The following TTC6 variants were observed in gnomAD, a reference collection of about 807,000 sequenced individuals.
TTC6 encodes the protein tetratricopeptide repeat domain 6.
Under a neutral mutation model 210.4 loss-of-function variants are expected in TTC6, and 172 were observed. The ratio of observed to expected loss-of-function variants is 0.82; its 90% confidence interval spans 0.72 to 0.93. The LOEUF is 0.93. Among genes scored for constraint, TTC6 ranks in the 40% least tolerant of loss-of-function variants. TTC6 has a pLI of 0.00. For synonymous variants in TTC6, 804 were observed against 819.6 expected (o/e 0.98, Z 0.32); for missense variants, 2,414 against 2,318.1 (o/e 1.04, Z -0.85).
At chr14:37,709,143 C>T (rs984263610) in intron 5 of TTC6, among the ~76,000 whole-genome samples, 1 of 152,040 alleles carries the variant, frequency 6.6e-6, no homozygotes, top group Non-Finnish European at 1.5e-5. Context: ...TGGCCCCACC[C>T]CTACCCCTTA....
intron 29 of TTC6, among the ~76,000 whole-genome samples, chr14:37,831,336 C>G (rs572329071): frequency 1.3e-5 from 2 of 152,238 alleles, no homozygotes; most frequent in African/African-American, 4.8e-5. Context: ...CTGATGGACA[C>G]TTAGGGTGAT....
rs764606846 is a variant in TTC6, at chr14:37,701,228, T to C, written c.1377-104T>C. 16 of 726,472 alleles carry C rather than the reference T, an allele frequency of 2.2e-5. No individual in the cohort carries two copies. In the South Asian group the frequency reaches 2.7e-4, roughly 12 times the overall value. The allele number at this position is 726,472 out of a possible 1,614,324, so 45.0% of individuals were successfully genotyped here. ...AGTTTTAAATCAGATCTCCTCCATT[T>C]ATGTATGTCTTTAGAACCTGAACTA... On this transcript the variant is annotated intron_variant, in intron 4 of 30. Coordinates refer to ENST00000553443, the Ensembl canonical transcript of TTC6.
At chr14:37,610,462 T>G (rs1006695045) in intron 2 of TTC6, among the ~76,000 whole-genome samples, 6 of 152,214 alleles carry the variant, frequency 3.9e-5, no homozygotes, top group African/African-American at 1.2e-4. Context: ...TAAACATGTG[T>G]GGGCCTGCTA....
chr14:37,787,769 GTA>G lies in TTC6; in HGVS notation c.3436+138_3436+139del, dbSNP rs201011726. On this transcript the variant is annotated intron_variant, in intron 15 of 30. Transcript: ENST00000553443. Reference sequence around the variant, plus strand: ...TACTATATACTAATATACATTATAAGTATATATTACATGAGCTTACGCATTTT... The same window carrying G: ...TACTATATACTAATATACATTATAAGTATATTACATGAGCTTACGCATTTT... 8.3e-3 allele frequency: 5,002 copies of G among 606,074 alleles called. 34 individuals are homozygous for G. Among genetic ancestry groups the G allele is most frequent in the Non-Finnish European group, 0.01 (4,051 of 400,888 alleles). 37.5% of individuals were successfully genotyped at this position (606,074 alleles called of 1,614,324 possible). A position where few individuals can be genotyped will look rare whatever the true frequency, so the allele number is the denominator to read the frequency against.
intron 2 of TTC6, among the ~76,000 whole-genome samples, chr14:37,610,147 T>C (rs370331442): frequency 3.3e-5 from 5 of 152,188 alleles, no homozygotes; most frequent in African/African-American, 9.7e-5. Context: ...GCTGGCTTTG[T>C]CTGTTTCTAC....
chr14:37,666,800 A>G (rs1053391746), intron 1 of TTC6, among the ~76,000 whole-genome samples: 2 of 150,292 alleles, frequency 1.3e-5, no homozygotes, highest in East Asian at 3.9e-4. Context: ...CAGGGCTCTC[A>G]GGGTTCCAAA....
intron 14 of TTC6, among the ~76,000 whole-genome samples, chr14:37,767,146 T>C (rs1426828933): frequency 1.3e-5 from 2 of 152,228 alleles, no homozygotes; most frequent in African/African-American, 4.8e-5. Flanking sequence ...TTTTTATGGC[T>C]GCATAGTATT....
chr14:37,801,203 A>G (rs2096105842), intron 20 of TTC6, among the ~76,000 whole-genome samples: 2 of 152,156 alleles, frequency 1.3e-5, no homozygotes, highest in Non-Finnish European at 2.9e-5. Flanking sequence ...AAGTCCACAG[A>G]TGGAGAGGAA....
chr14:37,715,816 A>G (rs1377505331), intron 6 of TTC6, among the ~76,000 whole-genome samples: 1 of 152,216 alleles, frequency 6.6e-6, no homozygotes, highest in African/African-American at 2.4e-5. Context: ...ATTTGTTGCC[A>G]GCATACCTAA....
chr14:37,802,994 A>G (rs2096110373), intron 20 of TTC6, among the ~76,000 whole-genome samples: 1 of 152,054 alleles, frequency 6.6e-6, no homozygotes, highest in Non-Finnish European at 1.5e-5. Flanking sequence ...CTGCCTCCCA[A>G]AGTGCTGGAA....
intron 20 of TTC6, among the ~76,000 whole-genome samples, chr14:37,802,661 G>T (rs1210960973): frequency 2.0e-5 from 3 of 152,012 alleles, no homozygotes; most frequent in Non-Finnish European, 4.4e-5. Flanking sequence ...AATTTGACCT[G>T]TAGCGATAGA....
intron 25 of TTC6, among the ~76,000 whole-genome samples, chr14:37,816,510 G>A (rs1471607664): frequency 6.6e-6 from 1 of 152,136 alleles, no homozygotes; most frequent in Non-Finnish European, 1.5e-5. Flanking sequence ...CCACAGAAGA[G>A]TGTAATATTC....
intron 14 of TTC6, among the ~76,000 whole-genome samples, chr14:37,768,279 T>C (rs2096005826): frequency 6.6e-6 from 1 of 151,446 alleles, no homozygotes; most frequent in Non-Finnish European, 1.5e-5. Flanking sequence ...GACTTGGTGA[T>C]GCGGGCTCTT....
intron 1 of TTC6, among the ~76,000 whole-genome samples, chr14:37,641,989 G>T (rs1013779551): frequency 1.3e-5 from 2 of 152,214 alleles, no homozygotes; most frequent in African/African-American, 4.8e-5. Context: ...GATTGCATCA[G>T]ATGTATTACA....
chr14:37,699,136 AAGAT>A (rs2095820110), intron 4 of TTC6, among the ~76,000 whole-genome samples: 1 of 152,208 alleles, frequency 6.6e-6, no homozygotes, highest in African/African-American at 2.4e-5. Flanking sequence ...AAAAGAAAAA[AAGAT>A]AAACTTGGCA....
rs1361449572 is a variant in TTC6, at chr14:37,790,807, G to T, written c.3527G>T (p.Cys1176Phe). ...CTAAAACTTTGGCTGCTGGCAATTT[G>T]TGACTTTGAAACTGTCATTTCTCTA... The change falls in exon 16 of 31, where the codon TGT becomes TTT. Residue 1176 changes from cysteine (C) to phenylalanine (F), a missense_variant. Coordinates refer to ENST00000553443, the Ensembl canonical transcript of TTC6. The T allele has an allele frequency of 2.0e-6, 3 of 1,534,264 alleles. No individual in the cohort carries two copies. In the Admixed American group the frequency reaches 5.9e-5, roughly 30 times the overall value.
exon 21 of TTC6, chr14:37,804,717 T>G (rs12896790): frequency 0.09 from 144,478 of 1,613,888 alleles, 7,403 homozygotes; most frequent in South Asian, 0.14. Flanking sequence ...TTGGATGCCA[T>G]TTCTCATTCT....
intron 5 of TTC6, among the ~76,000 whole-genome samples, chr14:37,711,254 T>G (rs1028299225): frequency 6.6e-6 from 1 of 152,198 alleles, no homozygotes; most frequent in African/African-American, 2.4e-5. Context: ...TTCAAATTTT[T>G]GGGAGACAGA....
At chr14:37,664,053 A>G (rs964652462) in intron 1 of TTC6, among the ~76,000 whole-genome samples, 10 of 150,780 alleles carry the variant, frequency 6.6e-5, no homozygotes, top group African/African-American at 2.4e-4. Context: ...GGAAGAATCA[A>G]TATTGTGAAA....
Sources: allele counts gnomAD v4.1 joint callset (sites outside exome capture counted in the v4.1 genomes callset), GRCh38; gene constraint gnomAD v4.1.1; transcripts MANE v1.5; gene names NCBI Gene and HGNC (gene_info 2026-07-23, HGNC 2026-07-21).